Variants in ZFHX3 observed in about 807,000 individuals in gnomAD.
The protein encoded by ZFHX3 is zinc finger homeobox 3.
In ZFHX3, 42 loss-of-function variants were observed where a neutral mutation model predicts 279.1. The observed-to-expected ratio is 0.15, with a 90% CI of 0.12 to 0.19. ZFHX3 has a LOEUF of 0.19. ZFHX3 is among the 10% of genes least tolerant of loss of function. The pLI, the probability that ZFHX3 is intolerant of heterozygous loss-of-function variation, is 1.00. For missense variants in ZFHX3, 4,981 were observed against 4,754.0 expected (o/e 1.05, Z -1.40); for synonymous variants, 2,293 against 1,957.8 (o/e 1.17, Z -4.52).
At chr16:73,540,894 G>C (rs566960274) in intron 2 of ZFHX3, among the ~76,000 whole-genome samples, 1 of 152,150 alleles carries the variant, frequency 6.6e-6, no homozygotes, top group African/African-American at 2.4e-5. Flanking sequence ...ATGCAGGCAC[G>C]TACTGCTTGG....
chr16:73,103,999 C>T (rs887198561), intron 7 of ZFHX3, among the ~76,000 whole-genome samples: 4 of 152,314 alleles, frequency 2.6e-5, no homozygotes, highest in African/African-American at 9.6e-5. Flanking sequence ...CACGGCTTTG[C>T]ATGGAAGCTG....
chr16:72,802,163 A>G (rs2036122616), intron 7 of ZFHX3, among the ~76,000 whole-genome samples: 1 of 152,172 alleles, frequency 6.6e-6, no homozygotes, highest in Non-Finnish European at 1.5e-5. Context: ...CGGATCAGTA[A>G]TTGTTTTCAT....
rs534595579 is a variant in ZFHX3 at position 73,143,830 on chromosome 16, A to G, written c.-1102T>C. ...TGGGGGTTGTAACTTATATCTTCCGAGCTGAAGAAGAAAAGAAAGGACAAA... is the reference window on the plus strand; with the variant it reads ...TGGGGGTTGTAACTTATATCTTCCGGGCTGAAGAAGAAAAGAAAGGACAAA... On this transcript the variant is annotated splice_region_variant and 5_prime_UTR_variant, in exon 6 of 18. Coordinates refer to the ZFHX3 transcript ENST00000641206. The G allele has an allele frequency of 2.3e-6, 3 of 1,285,018 alleles. 1 individual carries two copies. In the South Asian group the frequency reaches 3.8e-5, roughly 16 times the overall value. The allele number at this position is 1,285,018 out of a possible 1,614,324, so 79.6% of individuals were successfully genotyped here. A position where few individuals can be genotyped will look rare whatever the true frequency, so the allele number is the denominator to read the frequency against.
At chr16:73,514,742 T>C (rs1450343834) in intron 2 of ZFHX3, among the ~76,000 whole-genome samples, 1 of 152,148 alleles carries the variant, frequency 6.6e-6, no homozygotes, top group Non-Finnish European at 1.5e-5. Context: ...AAGCACTCTA[T>C]GTCTGTCCTA....
intron 4 of ZFHX3, among the ~76,000 whole-genome samples, chr16:72,863,023 C>A (rs925149845): frequency 6.6e-6 from 1 of 151,902 alleles, no homozygotes; most frequent in African/African-American, 2.4e-5. Flanking sequence ...GGTGGAGGAT[C>A]GCTTGAGCCC....
chr16:73,716,324 C>G (rs1270872690), intron 1 of ZFHX3, among the ~76,000 whole-genome samples: 1 of 152,014 alleles, frequency 6.6e-6, no homozygotes, highest in South Asian at 2.1e-4. Flanking sequence ...TAACACAGCC[C>G]AAATATACAA....
intron 7 of ZFHX3, among the ~76,000 whole-genome samples, chr16:73,129,532 T>G (rs555377902): frequency 9.0e-4 from 137 of 152,148 alleles, no homozygotes; most frequent in Non-Finnish European, 1.3e-3. Context: ...CTTTGCCCTC[T>G]GCTTGTCAAA....
chr16:73,858,847 T>C (rs907131419), intron 1 of ZFHX3, among the ~76,000 whole-genome samples: 1 of 152,186 alleles, frequency 6.6e-6, no homozygotes, highest in Admixed American at 6.5e-5. Flanking sequence ...TTATGAGACA[T>C]GTAAGATGTG....
At chr16:73,605,532 T>A (rs376783441) in intron 2 of ZFHX3, among the ~76,000 whole-genome samples, 153 of 152,274 alleles carry the variant, frequency 1.0e-3, no homozygotes, top group African/African-American at 3.6e-3. Flanking sequence ...CTGGGTAAGT[T>A]AAATGGTCAA....
At chr16:72,823,448 A>T (rs931951107) in intron 5 of ZFHX3, among the ~76,000 whole-genome samples, 9 of 151,920 alleles carry the variant, frequency 5.9e-5, no homozygotes, top group East Asian at 1.9e-4. Context: ...GTCTCCAAGG[A>T]CTCCTCTGTT....
chr16:73,138,835 G>A (rs191649890), intron 6 of ZFHX3, among the ~76,000 whole-genome samples: 12 of 152,186 alleles, frequency 7.9e-5, no homozygotes, highest in African/African-American at 2.6e-4. Context: ...CCACAGGCAC[G>A]CACCACTATG....
intron 5 of ZFHX3, among the ~76,000 whole-genome samples, chr16:73,237,139 A>G (rs1201150507): frequency 6.6e-6 from 1 of 152,240 alleles, no homozygotes; most frequent in African/African-American, 2.4e-5. Flanking sequence ...TTGAAAGATA[A>G]TAAGAGACAG....
rs116522098 is a variant in ZFHX3, at chr16:73,686,643, C to T, written c.-1607-6403G>A. On this transcript the variant is annotated intron_variant, in intron 1 of 17. Coordinates refer to the ZFHX3 transcript ENST00000641206. ...CAGCCTCTTATCCATGATCCAAGCACGCAGGCTGTATTCCCTCTGGTAAGG... is the reference window on the plus strand; with the variant it reads ...CAGCCTCTTATCCATGATCCAAGCATGCAGGCTGTATTCCCTCTGGTAAGG... 4.2e-3 allele frequency among the ~76,000 whole-genome samples: 641 copies of T among 152,228 alleles called. 4 individuals are homozygous for T. The highest frequency in any genetic ancestry group is 0.015 in the African/African-American group (610 of 41,550).
chr16:72,925,170 T>G (rs1411344860), intron 3 of ZFHX3, among the ~76,000 whole-genome samples: 1 of 152,046 alleles, frequency 6.6e-6, no homozygotes, highest in Non-Finnish European at 1.5e-5. Flanking sequence ...GAATGTGGAG[T>G]TAACACAAAG....
chr16:73,661,803 C>G (rs962185077), intron 2 of ZFHX3, among the ~76,000 whole-genome samples: 2 of 148,196 alleles, frequency 1.3e-5, no homozygotes, highest in Admixed American at 6.8e-5. Flanking sequence ...TAAAATTTAA[C>G]TTGAGCCAGA....
chr16:73,077,477 G>C (rs1277934226), intron 8 of ZFHX3, among the ~76,000 whole-genome samples: 19 of 151,422 alleles, frequency 1.3e-4, no homozygotes, highest in Admixed American at 1.2e-3. Flanking sequence ...TGTTAAAAAT[G>C]AAGTGACTCT....
chr16:73,884,923 A>G (rs78450240), intron 1 of ZFHX3, among the ~76,000 whole-genome samples: 5,835 of 152,290 alleles, frequency 0.038, 405 homozygotes, highest in African/African-American at 0.13. Context: ...AGCATAATAC[A>G]CATTACCTAA....
At chr16:73,445,009 C>T (rs938328381) in intron 3 of ZFHX3, among the ~76,000 whole-genome samples, 1 of 147,292 alleles carries the variant, frequency 6.8e-6, no homozygotes, top group Non-Finnish European at 1.5e-5. Context: ...GTGACAGGGG[C>T]CTATAGTCCC....
intron 1 of ZFHX3, among the ~76,000 whole-genome samples, chr16:73,725,267 C>T (rs954843972): frequency 6.6e-6 from 1 of 152,184 alleles, no homozygotes; most frequent in East Asian, 1.9e-4. Context: ...CATTTCTTGG[C>T]CCAGCCTGAT....
Sources: gnomAD v4.1 joint callset for allele counts (sites outside exome capture counted in the v4.1 genomes callset) on GRCh38, gnomAD v4.1.1 for gene constraint, MANE v1.5 for transcripts, NCBI Gene and HGNC (gene_info 2026-07-23, HGNC 2026-07-21) for gene names.